The following MRPS27 variants were observed in gnomAD, a reference collection of about 807,000 sequenced individuals.
The protein encoded by MRPS27 is mitochondrial ribosomal protein S27, also known as small ribosomal subunit protein mS27.
MRPS27 carries 43 observed loss-of-function variants against 48.9 expected under a neutral mutation model. That is an observed-to-expected ratio of 0.88 (90% CI 0.69 to 1.13). The LOEUF (loss-of-function observed/expected upper bound fraction) is 1.13. MRPS27 is among the 50% of genes most tolerant of loss of function. The probability of loss-of-function intolerance (pLI) is 0.00; values close to 1 mark genes in which losing one functional copy is unlikely to be tolerated. For missense variants in MRPS27, 467 were observed against 476.3 expected (o/e 0.98, Z 0.18); for synonymous variants, 188 against 171.9 (o/e 1.09, Z -0.73).
intron 4 of MRPS27, among the ~76,000 whole-genome samples, chr5:72,252,470 T>C (rs1160557263): frequency 6.6e-6 from 1 of 152,168 alleles, no homozygotes; most frequent in Non-Finnish European, 1.5e-5. Context: ...ATGTGCTGAG[T>C]ACTTACCATG....
At chr5:72,254,656 T>C (rs920227952) in intron 4 of MRPS27, among the ~76,000 whole-genome samples, 2 of 152,180 alleles carry the variant, frequency 1.3e-5, no homozygotes, top group African/African-American at 4.8e-5. Context: ...CATAGCAATA[T>C]AGCACATAAT....
intron 4 of MRPS27, among the ~76,000 whole-genome samples, chr5:72,238,433 T>C (rs1748262465): frequency 6.6e-6 from 1 of 152,220 alleles, no homozygotes; most frequent in South Asian, 2.1e-4. Context: ...CTACTAATCA[T>C]GGCATTATGT....
chr5:72,296,048 AACG>A (rs1374911121), intron 3 of MRPS27, among the ~76,000 whole-genome samples: 1 of 152,216 alleles, frequency 6.6e-6, no homozygotes, highest in African/African-American at 2.4e-5. Context: ...TCAGTCTTGC[AACG>A]ATTTTTTCTA....
intron 4 of MRPS27, among the ~76,000 whole-genome samples, chr5:72,261,793 C>T (rs994838405): frequency 4.6e-5 from 7 of 152,174 alleles, no homozygotes; most frequent in Middle Eastern, 3.2e-3. Context: ...GCCCATTACC[C>T]CACATTCCAG....
At chr5:72,254,779 T>C (rs1225060381) in intron 4 of MRPS27, among the ~76,000 whole-genome samples, 1 of 152,116 alleles carries the variant, frequency 6.6e-6, no homozygotes, top group Non-Finnish European at 1.5e-5. Context: ...TTGTACCAAT[T>C]CAAAGGATTA....
intron 2 of MRPS27, among the ~76,000 whole-genome samples, chr5:72,312,117 T>C (rs1481436662): frequency 6.6e-6 from 1 of 152,200 alleles, no homozygotes; most frequent in African/African-American, 2.4e-5. Context: ...GGGCGATAGA[T>C]AGTACAGACT....
In MRPS27 at chr5:72,298,721, AAAC is replaced by A. The variant is rs1162711017; in HGVS notation, c.152-1022_152-1020del. ...GAGCGAGACTCCGTCTCAAAAAAAA[AAAC>A]AAAAAAAAAAAAAACAGAGCTACCA... On this transcript the variant is annotated intron_variant, in intron 2 of 10. Transcript: ENST00000261413. 6.0e-5 allele frequency among the ~76,000 whole-genome samples: 9 copies of A among 150,508 alleles called. No individual in the cohort carries two copies. In the South Asian group the frequency reaches 8.3e-4, roughly 14 times the overall value.
intron 4 of MRPS27, among the ~76,000 whole-genome samples, chr5:72,292,120 G>T (rs1749836840): frequency 7.3e-6 from 1 of 136,814 alleles, no homozygotes; most frequent in Non-Finnish European, 1.6e-5. Context: ...TCCTTATTTT[G>T]TTTATTTTAC....
intron 4 of MRPS27, among the ~76,000 whole-genome samples, chr5:72,244,204 G>A (rs923476018): frequency 6.6e-6 from 1 of 152,044 alleles, no homozygotes; most frequent in Non-Finnish European, 1.5e-5. Flanking sequence ...TCTAAAAAGG[G>A]TGATGAGTAA....
intron 4 of MRPS27, among the ~76,000 whole-genome samples, chr5:72,274,321 T>C (rs542015911): frequency 6.6e-6 from 1 of 152,322 alleles, no homozygotes; most frequent in South Asian, 2.1e-4. Flanking sequence ...TCCACTGCAC[T>C]CCAGCCTGGG....
intron 2 of MRPS27, 44 bp from the exon 3 acceptor site, chr5:72,297,746 A>T: frequency 7.6e-7 from 1 of 1,313,428 alleles, no homozygotes; most frequent in Middle Eastern, 2.1e-4. Context: ...AAAGATACAT[A>T]TTTTTTTACA....
At chr5:72,230,183 C>T (rs1748016201) in intron 7 of MRPS27, among the ~76,000 whole-genome samples, 2 of 152,208 alleles carry the variant, frequency 1.3e-5, no homozygotes, top group Admixed American at 6.5e-5. Flanking sequence ...GCATGAGCCA[C>T]TGCTCCTGGC....
intron 4 of MRPS27, among the ~76,000 whole-genome samples, chr5:72,281,180 G>A (rs985010074): frequency 2.6e-5 from 4 of 152,192 alleles, no homozygotes; most frequent in African/African-American, 9.6e-5. Flanking sequence ...TTCTCCCGAT[G>A]TTACAATCTA....
At chr5:72,274,451 T>A (rs2112022734) in intron 4 of MRPS27, among the ~76,000 whole-genome samples, 1 of 152,304 alleles carries the variant, frequency 6.6e-6, no homozygotes, top group Non-Finnish European at 1.5e-5. Flanking sequence ...CTCCACATCT[T>A]GTGTCACTGA....
chr5:72,314,117 T>G lies in MRPS27; in HGVS notation c.115A>C (p.Lys39Gln), dbSNP rs1750510704. Residue 39 changes from lysine to glutamine, a missense_variant, in exon 2 of 11, where the codon AAA becomes CAA. Coordinates refer to ENST00000261413, the MANE Select transcript of MRPS27 (RefSeq NM_015084.3). ...TGTTCTTTTTCTCTTGCTTCCCATT[T>G]GTGGCTGTCTACATAGGCTGAAGAA... is the stretch of plus-strand genomic sequence containing the variant. Reference protein sequence around the residue: ...LLSSAYVDSHKWEAREKEHYC... With the variant: ...LLSSAYVDSHQWEAREKEHYC... 6.2e-7 allele frequency: 1 copy of G among 1,613,266 alleles called. No homozygotes were observed. The highest frequency in any genetic ancestry group is 1.7e-5 in the Admixed American group (1 of 60,016).
intron 4 of MRPS27, among the ~76,000 whole-genome samples, chr5:72,279,716 GTAA>G (rs1336505417): frequency 6.6e-6 from 1 of 151,914 alleles, no homozygotes; most frequent in Non-Finnish European, 1.5e-5. Flanking sequence ...TTATCACTTA[GTAA>G]TAAAACAAAA....
At chr5:72,312,322 G>C (rs1750461442) in intron 2 of MRPS27, among the ~76,000 whole-genome samples, 1 of 152,020 alleles carries the variant, frequency 6.6e-6, no homozygotes, top group Admixed American at 6.6e-5. Context: ...ACTCTATATT[G>C]AGGGAAGACA....
intron 1 of MRPS27, 50 bp from the exon 2 acceptor site, chr5:72,314,208 A>T: frequency 7.5e-7 from 1 of 1,332,710 alleles, no homozygotes. Context: ...CAAGAGGTTC[A>T]TTTTATATGT....
At chr5:72,307,835 GCA>G (rs1274241593) in intron 2 of MRPS27, 2 of 152,160 alleles carry the variant, frequency 1.3e-5, no homozygotes, top group African/African-American at 4.8e-5. Context: ...ATTACGACTT[GCA>G]CACTTTTCAG....
Sources: allele counts gnomAD v4.1 joint callset (sites outside exome capture counted in the v4.1 genomes callset), GRCh38; gene constraint gnomAD v4.1.1; transcripts MANE v1.5; gene names NCBI Gene and HGNC (gene_info 2026-07-23, HGNC 2026-07-21).